SUGCT: variants seen among roughly 807,000 people sequenced by gnomAD.
SUGCT encodes the protein succinyl-CoA:glutarate-CoA transferase.
In SUGCT, 41 loss-of-function variants were observed where a neutral mutation model predicts 55.0. That is an observed-to-expected ratio of 0.74 (90% CI 0.58 to 0.97). SUGCT has a LOEUF of 0.97. Among genes scored for constraint, SUGCT ranks in the 50% least tolerant of loss-of-function variants. The pLI is 0.00. For synonymous variants in SUGCT, 187 were observed against 200.4 expected (o/e 0.93, Z 0.56); for missense variants, 568 against 547.8 (o/e 1.04, Z -0.37).
At chr7:40,269,324 T>G (rs1220644078) in intron 7 of SUGCT, among the ~76,000 whole-genome samples, 2 of 151,942 alleles carry the variant, frequency 1.3e-5, no homozygotes, top group Non-Finnish European at 2.9e-5. Flanking sequence ...TTTTATTTAT[T>G]TATTTATTTA....
intron 10 of SUGCT, among the ~76,000 whole-genome samples, chr7:40,452,394 A>G (rs531318168): frequency 1.3e-5 from 2 of 152,148 alleles, no homozygotes; most frequent in Non-Finnish European, 2.9e-5. Context: ...GAGACTATAC[A>G]TTGGTTCTCA....
intron 13 of SUGCT, among the ~76,000 whole-genome samples, chr7:40,801,554 G>C (rs1790816631): frequency 6.6e-6 from 1 of 152,084 alleles, no homozygotes; most frequent in African/African-American, 2.4e-5. Flanking sequence ...AGAAGGGGTT[G>C]GGAGAAGCTG....
the SUGCT span, among the ~76,000 whole-genome samples, chr7:40,985,447 T>C: frequency 6.6e-6 from 1 of 152,054 alleles, no homozygotes; most frequent in Non-Finnish European, 1.5e-5. Flanking sequence ...ATGCACTAAA[T>C]GATCAGGAAG....
intron 9 of SUGCT, among the ~76,000 whole-genome samples, chr7:40,431,991 C>T (rs1787917776): frequency 6.6e-6 from 1 of 152,062 alleles, no homozygotes; most frequent in Non-Finnish European, 1.5e-5. Flanking sequence ...TTTACTTCCT[C>T]TGTTGTGATG....
At chr7:40,357,458 AC>A (rs1797931304) in intron 9 of SUGCT, among the ~76,000 whole-genome samples, 1 of 152,196 alleles carries the variant, frequency 6.6e-6, no homozygotes, top group Non-Finnish European at 1.5e-5. Context: ...CATGCGTGAC[AC>A]TGTCGATTTT....
intron 12 of SUGCT, among the ~76,000 whole-genome samples, chr7:40,522,659 A>G (rs2151577831): frequency 6.6e-6 from 1 of 152,198 alleles, no homozygotes; most frequent in African/African-American, 2.4e-5. Flanking sequence ...CATCTCATAA[A>G]TATTTTAGAT....
In SUGCT at chr7:40,316,765, G is replaced by GT; in HGVS notation, c.727dup (p.Cys243LeufsTer33). On this transcript the variant is annotated frameshift_variant, in exon 9 of 14. Transcript: ENST00000335693. LOFTEE classifies it high-confidence loss of function. ...TTTACTTTTTTTCCTGGTAGGTGGC[G>GT]TGTTTGTCTCACATAGCTGCAAATT... The GT allele has an allele frequency of 6.3e-7, 1 of 1,592,988 alleles. No homozygotes were observed. Among genetic ancestry groups the GT allele is most frequent in the South Asian group, 1.1e-5 (1 of 87,676 alleles).
At chr7:40,534,357 T>C (rs143685942) in intron 12 of SUGCT, among the ~76,000 whole-genome samples, 136 of 152,358 alleles carry the variant, frequency 8.9e-4, no homozygotes, top group African/African-American at 3.2e-3. Flanking sequence ...AATTAGGACA[T>C]ATTTGTAAGA....
intron 12 of SUGCT, among the ~76,000 whole-genome samples, chr7:40,654,118 G>A (rs909439449): frequency 6.6e-6 from 1 of 152,052 alleles, no homozygotes; most frequent in Non-Finnish European, 1.5e-5. Context: ...ACACTGAATA[G>A]CATTGATCCA....
intron 6 of SUGCT, among the ~76,000 whole-genome samples, chr7:40,236,102 G>A (rs1230685036): frequency 6.6e-6 from 1 of 152,008 alleles, no homozygotes; most frequent in Non-Finnish European, 1.5e-5. Context: ...CTGTTGCCCA[G>A]GCTGCAGTGC....
chr7:40,207,856 A>G (rs898728426), intron 6 of SUGCT, among the ~76,000 whole-genome samples: 15 of 152,180 alleles, frequency 9.9e-5, no homozygotes, highest in African/African-American at 3.1e-4. Context: ...CTAGGTATAT[A>G]CCAAAAGAAT....
At chr7:40,194,322 C>T (rs1198976463) in intron 5 of SUGCT, among the ~76,000 whole-genome samples, 2 of 152,146 alleles carry the variant, frequency 1.3e-5, no homozygotes, top group African/African-American at 2.4e-5. Context: ...AGTGCAGTGG[C>T]GCCATCACGG....
chr7:40,363,816 A>T (rs537698023), intron 9 of SUGCT, among the ~76,000 whole-genome samples: 1 of 152,084 alleles, frequency 6.6e-6, no homozygotes, highest in Non-Finnish European at 1.5e-5. Context: ...AGTTCTGTAG[A>T]TGTCTATTAG....
chr7:40,291,952 G>T (rs1304623520), intron 8 of SUGCT, among the ~76,000 whole-genome samples: 1 of 152,172 alleles, frequency 6.6e-6, no homozygotes, highest in Non-Finnish European at 1.5e-5. Flanking sequence ...AACCAGCTTT[G>T]TCGACACCTT....
chr7:40,910,412 G>A, the SUGCT span, among the ~76,000 whole-genome samples: 6 of 152,304 alleles, frequency 3.9e-5, no homozygotes, highest in Admixed American at 3.9e-4. Flanking sequence ...CTTATCATGT[G>A]CTGGGTCAAG....
At chr7:40,666,355 A>AAAGGAAGGAAGG (rs775565696) in intron 12 of SUGCT, among the ~76,000 whole-genome samples, 8,076 of 121,672 alleles carry the variant, frequency 0.066, 345 homozygotes, top group African/African-American at 0.088. Flanking sequence ...CTCAAGAAAG[A>AAAGGAAGGAAGG]AAGGAAGGAA....
chr7:40,582,128 A>G (rs1276474290), intron 12 of SUGCT, among the ~76,000 whole-genome samples: 1 of 152,130 alleles, frequency 6.6e-6, no homozygotes, highest in East Asian at 1.9e-4. Flanking sequence ...TAATAAGGAA[A>G]AGTCACCGAG....
At chr7:40,991,453 G>A in the SUGCT span, among the ~76,000 whole-genome samples, 1 of 152,178 alleles carries the variant, frequency 6.6e-6, no homozygotes, top group South Asian at 2.1e-4. Flanking sequence ...GAGACACGAA[G>A]TGAGTGCAGG....
At chr7:40,325,594 T>C (rs1384103399) in intron 9 of SUGCT, among the ~76,000 whole-genome samples, 1 of 152,150 alleles carries the variant, frequency 6.6e-6, no homozygotes, top group Non-Finnish European at 1.5e-5. Context: ...TTAAAACTTG[T>C]TTCTGTTTGT....
Sources: gnomAD v4.1 joint callset for allele counts (sites outside exome capture counted in the v4.1 genomes callset) on GRCh38, gnomAD v4.1.1 for gene constraint, MANE v1.5 for transcripts, NCBI Gene and HGNC (gene_info 2026-07-23, HGNC 2026-07-21) for gene names.